RAPGEF4: variants seen among roughly 807,000 people sequenced by gnomAD.
The protein encoded by RAPGEF4 is Rap guanine nucleotide exchange factor 4, also known as RAP guanine-nucleotide-exchange factor (GEF) 4.
In RAPGEF4, 66 loss-of-function variants were observed where a neutral mutation model predicts 147.9. The ratio of observed to expected loss-of-function variants is 0.45; its 90% confidence interval spans 0.37 to 0.55. The LOEUF is 0.55. Among genes scored for constraint, RAPGEF4 ranks in the 20% least tolerant of loss-of-function variants. The probability of loss-of-function intolerance (pLI) is 0.00; values close to 1 mark genes in which losing one functional copy is unlikely to be tolerated. For synonymous variants in RAPGEF4, 419 were observed against 442.7 expected (o/e 0.95, Z 0.67); for missense variants, 1,071 against 1,257.3 (o/e 0.85, Z 2.24).
chr2:173,030,841 G>A (rs1697124946), intron 26 of RAPGEF4, among the ~76,000 whole-genome samples: 1 of 152,178 alleles, frequency 6.6e-6, no homozygotes, highest in Admixed American at 6.6e-5. Flanking sequence ...AGTCTCTGTA[G>A]CAAATATAAT....
chr2:172,786,753 G>A (rs1357187445), intron 1 of RAPGEF4, among the ~76,000 whole-genome samples: 4 of 152,112 alleles, frequency 2.6e-5, no homozygotes, highest in Non-Finnish European at 4.4e-5. Flanking sequence ...GCATGTACCT[G>A]TAGTCCCAGC....
intron 30 of RAPGEF4, 94 bp downstream of exon 30, chr2:173,048,748 A>C: frequency 6.3e-7 from 1 of 1,583,394 alleles, no homozygotes; most frequent in Non-Finnish European, 8.6e-7. Context: ...CCTGGGAAAT[A>C]TCTGACTGTG....
chr2:172,991,695 A>G (rs1412963259), intron 15 of RAPGEF4, among the ~76,000 whole-genome samples: 1 of 152,208 alleles, frequency 6.6e-6, no homozygotes, highest in Non-Finnish European at 1.5e-5. Context: ...TCTGTAGCTA[A>G]AGAAATGTTG....
chr2:173,030,551 G>A (rs2105974250), intron 26 of RAPGEF4, among the ~76,000 whole-genome samples: 1 of 152,338 alleles, frequency 6.6e-6, no homozygotes, highest in East Asian at 1.9e-4. Context: ...GACCCACATT[G>A]CTGGGAATGA....
At chr2:173,023,571 C>T (rs143951982) in intron 23 of RAPGEF4, among the ~76,000 whole-genome samples, 71 of 152,256 alleles carry the variant, frequency 4.7e-4, no homozygotes, top group African/African-American at 1.3e-3. Context: ...ACCTGCCCTA[C>T]GCCGGGAGAG....
intron 6 of RAPGEF4, chr2:172,928,275 C>T: frequency 4.4e-6 from 2 of 450,540 alleles, no homozygotes; most frequent in South Asian, 3.2e-5. Context: ...TTTCTTTCTG[C>T]TTTTTATTCC....
intron 4 of RAPGEF4, among the ~76,000 whole-genome samples, chr2:172,827,775 C>T (rs1689831177): frequency 6.6e-6 from 1 of 152,166 alleles, no homozygotes; most frequent in African/African-American, 2.4e-5. Context: ...CCCCCTAGCT[C>T]TAAGAACAAA....
At chr2:172,991,040 C>CT (rs1262365757) in intron 15 of RAPGEF4, 115 bp downstream of exon 15, 4 of 741,498 alleles carry the variant, frequency 5.4e-6, no homozygotes, top group Non-Finnish European at 6.8e-6. Context: ...GTGTATGTGA[C>CT]TTTTTTCCTC....
intron 10 of RAPGEF4, among the ~76,000 whole-genome samples, chr2:172,981,920 T>A (rs1168239291): frequency 6.6e-6 from 1 of 152,256 alleles, no homozygotes; most frequent in African/African-American, 2.4e-5. Context: ...TTTGTAAGTT[T>A]GTTTAACTGC....
chr2:173,048,083 AC>A (rs1467881876), intron 29 of RAPGEF4: 1 of 152,878 alleles, frequency 6.5e-6, no homozygotes, highest in Non-Finnish European at 1.5e-5. Flanking sequence ...TAAAATGCAA[AC>A]TTTTGCTGGA....
intron 4 of RAPGEF4, among the ~76,000 whole-genome samples, chr2:172,913,578 A>C (rs1217624077): frequency 6.6e-6 from 1 of 152,234 alleles, no homozygotes; most frequent in East Asian, 1.9e-4. Context: ...AATGACTCCA[A>C]GGCTGGAGTC....
At chr2:172,914,318 C>A (rs2150019039) in intron 4 of RAPGEF4, among the ~76,000 whole-genome samples, 1 of 110,286 alleles carries the variant, frequency 9.1e-6, no homozygotes, top group African/African-American at 3.4e-5. Flanking sequence ...AGGAAATATG[C>A]ATTTTTTTTT....
rs116900877 is a variant in RAPGEF4, at chr2:172,786,087, A to G, written c.66-8938A>G. 2.6e-5 allele frequency among the ~76,000 whole-genome samples: 4 copies of G among 152,330 alleles called. No individual in the cohort carries two copies. In the East Asian group the frequency reaches 7.7e-4, roughly 29 times the overall value. ...TGTGTTCTTATTTTGTGCTCCACCT[A>G]ACTCAGGAACTGGCTAATTAGTTCC... On this transcript the variant is annotated intron_variant, in intron 1 of 30. Transcript: ENST00000397081.
chr2:172,796,602 A>T (rs1239820215), intron 2 of RAPGEF4, among the ~76,000 whole-genome samples: 1 of 151,820 alleles, frequency 6.6e-6, no homozygotes, highest in Admixed American at 6.6e-5. Flanking sequence ...ACTCACTACA[A>T]CCTTGAACTC....
In RAPGEF4 at chr2:172,804,286, T is replaced by G. The variant is rs545461555; in HGVS notation, c.297+6673T>G. 5.3e-5 allele frequency among the ~76,000 whole-genome samples: 8 copies of G among 152,352 alleles called. No homozygotes were observed. In the South Asian group the frequency reaches 1.7e-3, roughly 32 times the overall value. On this transcript the variant is annotated intron_variant, in intron 3 of 30. Coordinates refer to ENST00000397081, the MANE Select transcript of RAPGEF4 (RefSeq NM_007023.4). ...TTTCTCCCTTCTTGTCATTCCCTTATATTTTTTACTGTCTAGGTTAAAAAA... is the reference window on the plus strand; with the variant it reads ...TTTCTCCCTTCTTGTCATTCCCTTAGATTTTTTACTGTCTAGGTTAAAAAA...
At chr2:172,819,461 CT>C (rs1242605865) in intron 4 of RAPGEF4, among the ~76,000 whole-genome samples, 9,422 of 86,580 alleles carry the variant, frequency 0.11, 98 homozygotes, top group Middle Eastern at 0.18. Flanking sequence ...ATTTTTAGTT[CT>C]TTTTTTTTTT....
chr2:173,006,932 T>TTTGAG (rs1694538127), intron 17 of RAPGEF4, among the ~76,000 whole-genome samples: 1 of 152,214 alleles, frequency 6.6e-6, no homozygotes, highest in Non-Finnish European at 1.5e-5. Flanking sequence ...AGATATGCAA[T>TTTGAG]TTGAGTTTGT....
intron 4 of RAPGEF4, among the ~76,000 whole-genome samples, chr2:172,863,328 A>T (rs764342397): frequency 5.3e-5 from 8 of 152,226 alleles, no homozygotes; most frequent in Non-Finnish European, 1.2e-4. Context: ...TAAACCAATA[A>T]TATAGAGCTA....
chr2:173,050,381 C>T (rs995540700), intron 30 of RAPGEF4, among the ~76,000 whole-genome samples: 1 of 140,850 alleles, frequency 7.1e-6, no homozygotes, highest in African/African-American at 2.6e-5. Context: ...TGATGAGTTT[C>T]TTCTCACAGG....
Sources: gnomAD v4.1 joint callset for allele counts (sites outside exome capture counted in the v4.1 genomes callset) on GRCh38, gnomAD v4.1.1 for gene constraint, MANE v1.5 for transcripts, NCBI Gene and HGNC (gene_info 2026-07-23, HGNC 2026-07-21) for gene names.